The following WDR87 variants were observed in gnomAD, a reference collection of about 807,000 sequenced individuals.
The protein encoded by WDR87 is WD repeat-containing protein 87.
A neutral mutation model predicts 83.3 loss-of-function variants in WDR87; 56 were observed. The ratio of observed to expected loss-of-function variants is 0.67; its 90% CI spans 0.54 to 0.84. The LOEUF is 0.84. Among genes scored for constraint, WDR87 ranks in the 40% least tolerant of loss-of-function variants. The pLI is 0.00. For missense variants in WDR87, 2,939 were observed against 3,431.9 expected, an observed-to-expected ratio of 0.86 and a Z score of 3.59; for synonymous variants, 1,173 against 1,250.6, an observed-to-expected ratio of 0.94 and a Z score of 1.31.
At position 37,886,597 on chromosome 19, in the gene WDR87, TTCTG is replaced by T. The variant is rs1294289858; in HGVS notation, c.7070_7073del (p.Thr2357LysfsTer3). 11 of 1,529,238 alleles carry T rather than the reference TTCTG, an allele frequency of 7.2e-6. No homozygotes were observed. The highest frequency in any genetic ancestry group is 1.4e-5 in the African/African-American group (1 of 71,788). 94.7% of individuals were successfully genotyped at this position (1,529,238 alleles called of 1,614,324 possible). On this transcript the variant is annotated frameshift_variant, in exon 6 of 6. Transcript: ENST00000447313. LOFTEE classifies it low-confidence loss of function (END_TRUNC). Reference sequence around the variant, plus strand: ...CTTCCTCTTCCTCGTCACTCAAACTTTCTGTCTCTTCCTCACTCATAATTTCTTC... The same window carrying T: ...CTTCCTCTTCCTCGTCACTCAAACTTTCTCTTCCTCACTCATAATTTCTTC...
In WDR87 at chr19:37,894,305, A is replaced by C; in HGVS notation, c.1398T>G (p.His466Gln). The C allele has an allele frequency of 6.4e-7, 1 of 1,551,744 alleles. No homozygotes were observed. Among genetic ancestry groups the C allele is most frequent in the Non-Finnish European group, 8.7e-7 (1 of 1,147,008 alleles). The change falls in exon 4 of 6, where the codon CAT (histidine) becomes CAG (glutamine). Residue 466 changes from histidine (H) to glutamine (Q), a missense_variant. Physicochemically the swap from His to Gln is conservative, Grantham distance 24. Coordinates refer to ENST00000447313, the MANE Select transcript of WDR87 (RefSeq NM_001291088.2). Reference protein sequence around the residue: ...QDFVQCLAYGHFNLGRGLEGL... With the variant: ...QDFVQCLAYGQFNLGRGLEGL... The stretch of plus-strand genomic sequence containing the variant: ...CCTCTAGACCCCGCCCCAAGTTGAA[A>C]TGCCCATAAGCCAGGCATTGTACAA...
At chr19:37,899,236 T>G (rs1264895395) in intron 1 of WDR87, among the ~76,000 whole-genome samples, 1 of 151,924 alleles carries the variant, frequency 6.6e-6, no homozygotes, top group Non-Finnish European at 1.5e-5. Context: ...CTGGCTAATA[T>G]GGTGAAACCC....
Position 37,884,995 on chromosome 19 carries a change from G to A in WDR87, c.8676C>T (p.Ser2892=). 1 of 1,401,430 alleles carries A rather than the reference G, an allele frequency of 7.1e-7. No homozygotes were observed. Among genetic ancestry groups the A allele is most frequent in the South Asian group, 1.9e-5 (1 of 52,774 alleles). The allele number at this position is 1,401,430 out of a possible 1,614,324, so 86.8% of individuals were successfully genotyped here. The change falls in exon 6 of 6, where the codon AGC becomes AGT. Residue 2892 remains serine (S), a synonymous_variant. Transcript: ENST00000447313. ...TGAGATGAAGATCAGCTTCAGGCAG[G>A]CTCTTCCAGGCAAGTTCTAAGATCC... ...RYGILELAWK[S]LPEADLHLTK...
rs376020296 is a variant in WDR87 at position 37,895,340 on chromosome 19, G to A, written c.363C>T (p.Leu121=). 3.5e-5 allele frequency: 54 copies of A among 1,551,640 alleles called. No homozygotes were observed. The South Asian group carries it at 4.6e-4, about 13-fold the overall frequency. ...GGATCAGGTCACCACAGTAGACCAC[G>A]AGGATATGAAAGGAGCCTGCATGGA... is the stretch of plus-strand genomic sequence containing the variant. The part of the protein sequence containing the change: ...SMVHAGSFHI[L]VVYCGDLILR... Residue 121 remains leucine (L), a synonymous_variant, in exon 4 of 6, where the codon CTC becomes CTT. Transcript: ENST00000447313.
intron 1 of WDR87, among the ~76,000 whole-genome samples, chr19:37,904,417 G>A (rs2046311213): frequency 6.6e-6 from 1 of 150,720 alleles, no homozygotes; most frequent in African/African-American, 2.4e-5. Context: ...GGAGTGCAGT[G>A]GCGCGATCTT....
At position 37,884,842 on chromosome 19, in the gene WDR87, A is replaced by AAT; in HGVS notation, c.*89_*90insAT. ...AAACACCGTCTCAAAAAAAAAAAAA[A>AAT]GAGAGAGAGAGAGATGAAGGTCTAG... On this transcript the variant is annotated 3_prime_UTR_variant, in exon 6 of 6. Coordinates refer to ENST00000447313, the MANE Select transcript of WDR87 (RefSeq NM_001291088.2). 2 of 1,044,896 alleles carry AAT rather than the reference A, an allele frequency of 1.9e-6. No homozygotes were observed. Among genetic ancestry groups the AAT allele is most frequent in the Non-Finnish European group, 2.5e-6 (2 of 809,526 alleles). 64.7% of individuals were successfully genotyped at this position (1,044,896 alleles called of 1,614,324 possible). A position where few individuals can be genotyped will look rare whatever the true frequency, so the allele number is the denominator to read the frequency against.
chr19:37,906,555 G>A lies in WDR87; in HGVS notation c.-103C>T, dbSNP rs1456914104. On this transcript the variant is annotated 5_prime_UTR_variant, in exon 1 of 6. Transcript: ENST00000447313. ...CGGCGTGTGCACTCAGGAGCTCCTA[G>A]AGCTAGGGGCAGCAACTAAGAAGCT... 6.6e-6 allele frequency: 1 copy of A among 152,124 alleles called. No homozygotes were observed. Among genetic ancestry groups the A allele is most frequent in the African/African-American group, 2.4e-5 (1 of 41,422 alleles). The allele number at this position is 152,124 out of a possible 1,614,324, so 9.4% of individuals were successfully genotyped here.
rs761103646 is a variant in WDR87, at chr19:37,889,689, C to A, written c.3982G>T (p.Glu1328Ter). Residue 1328 changes from glutamate (E) to a stop codon, truncating the protein, a stop_gained, in exon 6 of 6, where the codon GAG (glutamate) becomes TAG (stop). Transcript: ENST00000447313. LOFTEE classifies it low-confidence loss of function (END_TRUNC). ...TCTTTCTTCAATAGGGGGCAGATCTCCTGAAAGAGTTCCCAGCTGGGGTGC... is the reference window on the plus strand; with the variant it reads ...TCTTTCTTCAATAGGGGGCAGATCTACTGAAAGAGTTCCCAGCTGGGGTGC... Reference protein sequence around the residue: ...DRHPSWELFQEICPLLKKESK... With the variant: ...DRHPSWELFQ 1.3e-6 allele frequency: 2 copies of A among 1,551,662 alleles called. No individual in the cohort carries two copies. The highest frequency in any genetic ancestry group is 3.9e-5 in the Admixed American group (2 of 50,982).
At chr19:37,899,559 C>T (rs2046281427) in intron 1 of WDR87, among the ~76,000 whole-genome samples, 1 of 152,150 alleles carries the variant, frequency 6.6e-6, no homozygotes, top group East Asian at 1.9e-4. Flanking sequence ...CCACTTCAGC[C>T]TCCCACATGC....
rs376307511 is a variant in WDR87, at chr19:37,889,202, A to G, written c.4469T>C (p.Ile1490Thr). 58 of 1,551,782 alleles carry G rather than the reference A, an allele frequency of 3.7e-5. No homozygotes were observed. In the African/African-American group the frequency reaches 5.8e-4, roughly 15 times the overall value. The change falls in exon 6 of 6, where the codon ATT becomes ACT. Residue 1490 changes from isoleucine (I) to threonine (T), a missense_variant. Ile to Thr is a moderately conservative substitution (Grantham distance 89). Coordinates refer to ENST00000447313, the MANE Select transcript of WDR87 (RefSeq NM_001291088.2). ...GTCCTGCCAAGATGGTGTCCTCTCA[A>G]TCATAACCAGTTTTCCTTCTTGTTT... is the stretch of plus-strand genomic sequence containing the variant. ...VVKQEGKLVM[I>T]ERTPSWQDWK...
chr19:37,886,099 T>C lies in WDR87; in HGVS notation c.7572A>G (p.Leu2524=). 1 of 1,551,728 alleles carries C rather than the reference T, an allele frequency of 6.4e-7. No homozygotes were observed. The highest frequency in any genetic ancestry group is 8.7e-7 in the Non-Finnish European group (1 of 1,146,996). Residue 2524 remains leucine (L), a synonymous_variant, in exon 6 of 6, where the codon CTA becomes CTG. Transcript: ENST00000447313. ...VEAEELQHKP[L]GAWWKWFLQH... The stretch of plus-strand genomic sequence containing the variant: ...GCAAAAACCACTTCCACCAGGCACC[T>C]AGTGGTTTGTGTTGGAGTTCCTCAG...
In WDR87 at chr19:37,885,257, G is replaced by A. The variant is rs2046132992; in HGVS notation, c.8414C>T (p.Pro2805Leu). 3 of 1,520,406 alleles carry A rather than the reference G, an allele frequency of 2.0e-6. No individual in the cohort carries two copies. Among genetic ancestry groups the A allele is most frequent in the Non-Finnish European group, 2.6e-6 (3 of 1,134,334 alleles). 94.2% of individuals were successfully genotyped at this position (1,520,406 alleles called of 1,614,324 possible). A position where few individuals can be genotyped will look rare whatever the true frequency, so the allele number is the denominator to read the frequency against. Reference protein sequence around the residue: ...QLMDLYQLKSPRIQKLLQELL... With the variant: ...QLMDLYQLKSLRIQKLLQELL... ...CTCCTGAAGCAGCTTCTGGATTCTG[G>A]GGGACTTAAGTTGGTACAGGTCCAT... Residue 2805 changes from proline (P) to leucine (L), a missense_variant, in exon 6 of 6, where the codon CCC becomes CTC. By Grantham distance (98) the Pro-to-Leu change is moderately conservative (BLOSUM62 -3). Transcript: ENST00000447313.
Position 37,888,131 on chromosome 19 carries a change from T to C in WDR87, c.5540A>G (p.Lys1847Arg). The C allele has an allele frequency of 1.3e-6, 2 of 1,552,174 alleles. No individual in the cohort carries two copies. Among genetic ancestry groups the C allele is most frequent in the South Asian group, 2.4e-5 (2 of 84,058 alleles). ...LGRKREQLIE[K>R]KMKLAQKRER... The stretch of plus-strand genomic sequence containing the variant: ...CCTTTTTTGGGCCAGTTTCATCTTC[T>C]TCTCAATCAATTGCTCCCTTTTCCG... The change falls in exon 6 of 6, where the codon AAG (lysine) becomes AGG (arginine). Residue 1847 changes from lysine (K) to arginine (R), a missense_variant. Around this residue, in one of 3 missense-constraint regions of WDR87, gnomAD observed 2,160 missense variants for 2,533.1 expected, o/e 0.85. Coordinates refer to ENST00000447313, the MANE Select transcript of WDR87 (RefSeq NM_001291088.2).
chr19:37,888,938 T>C lies in WDR87; in HGVS notation c.4733A>G (p.Lys1578Arg). 6.4e-7 allele frequency: 1 copy of C among 1,552,260 alleles called. No homozygotes were observed. Among genetic ancestry groups the C allele is most frequent in the Non-Finnish European group, 8.7e-7 (1 of 1,147,126 alleles). The change falls in exon 6 of 6, where the codon AAG becomes AGG. Residue 1578 changes from lysine to arginine, a missense_variant. Lys to Arg is a conservative substitution (Grantham distance 26). Transcript: ENST00000447313. Reference protein sequence around the residue: ...LSSKSKEQQYKDEEEVTLEEE... With the variant: ...LSSKSKEQQYRDEEEVTLEEE... ...CTCCAAAGTCACTTCTTCCTCATCC[T>C]TGTACTGTTGCTCCTTGGACTTAGA...
rs1411471208 is a variant in WDR87, at chr19:37,893,242, CA to C, written c.2460del (p.Asp821ThrfsTer8). On this transcript the variant is annotated frameshift_variant, in exon 4 of 6. Coordinates refer to ENST00000447313, the MANE Select transcript of WDR87 (RefSeq NM_001291088.2). LOFTEE classifies it high-confidence loss of function. ...FGHGREWLFAPDCYIPNSVIR... is the reference protein window; with the variant it reads ...FGHGREWLFAXDCYIPNSVIR... ...ATCACTGAATTGGGGATATAGCAGT[CA>C]GGGGCAAAAAGCCATTCCCGCCCAT... 13 of 1,551,750 alleles carry C rather than the reference CA, an allele frequency of 8.4e-6. No individual in the cohort carries two copies. The highest frequency in any genetic ancestry group is 5.5e-5 in the African/African-American group (4 of 73,060).
In WDR87 at chr19:37,885,585, C is replaced by T. The variant is rs149523077; in HGVS notation, c.8086G>A (p.Ala2696Thr). Residue 2696 changes from alanine to threonine, a missense_variant, in exon 6 of 6, where the codon GCT (alanine) becomes ACT (threonine). By Grantham distance (58) the Ala-to-Thr change is moderately conservative. Transcript: ENST00000447313. The part of the protein sequence containing the change: ...RSERAQQISI[A>T]HKEMEMQYFY... The stretch of plus-strand genomic sequence containing the variant: ...TATTGCATTTCCATCTCCTTGTGAG[C>T]AATGGATATCTGCTGTGCCCTCTCA... 322 of 1,551,714 alleles carry T rather than the reference C, an allele frequency of 2.1e-4. No individual in the cohort carries two copies. In the African/African-American group the frequency reaches 4.1e-3, roughly 20 times the overall value.
chr19:37,885,623 TCTC>T lies in WDR87; in HGVS notation c.8045_8047del (p.Gly2682del). On this transcript the variant is annotated inframe_deletion, in exon 6 of 6. Coordinates refer to ENST00000447313, the MANE Select transcript of WDR87 (RefSeq NM_001291088.2). ...CTGTGCCCTCTCACTTCTGTAAGGTTCTCCTAGAAGATGCCAATTTTTAGCCCT... is the reference window on the plus strand; with the variant it reads ...CTGTGCCCTCTCACTTCTGTAAGGTTCTAGAAGATGCCAATTTTTAGCCCT... 6.4e-7 allele frequency: 1 copy of T among 1,551,796 alleles called. No individual in the cohort carries two copies. Among genetic ancestry groups the T allele is most frequent in the Non-Finnish European group, 8.7e-7 (1 of 1,147,010 alleles).
Position 37,888,778 on chromosome 19 carries a change from CTCT to C in WDR87, c.4890_4892del (p.Glu1631del). 6.4e-7 allele frequency: 1 copy of C among 1,551,786 alleles called. No homozygotes were observed. Among genetic ancestry groups the C allele is most frequent in the Non-Finnish European group, 8.7e-7 (1 of 1,147,028 alleles). The stretch of plus-strand genomic sequence containing the variant: ...TCTCTTCTTCTTGTGCTAATTTCCT[CTCT>C]TCTTGGGCTCGTTTTTTTTCAGCTC... On this transcript the variant is annotated inframe_deletion, in exon 6 of 6. Coordinates refer to ENST00000447313, the MANE Select transcript of WDR87 (RefSeq NM_001291088.2).
chr19:37,897,757 C>T (rs781063868), intron 2 of WDR87, among the ~76,000 whole-genome samples: 14 of 152,058 alleles, frequency 9.2e-5, no homozygotes, highest in Admixed American at 5.9e-4. Flanking sequence ...TGGTGGCGTG[C>T]GCCTGTAGTT....
Sources: allele counts gnomAD v4.1 joint callset (sites outside exome capture counted in the v4.1 genomes callset), GRCh38; gene constraint gnomAD v4.1.1; regional missense constraint gnomAD v4.1.1; transcripts MANE v1.5; gene names NCBI Gene and HGNC (gene_info 2026-07-23, HGNC 2026-07-21).